SPATA6: variants seen among roughly 807,000 people sequenced by gnomAD.
SPATA6 encodes spermatogenesis-associated protein 6.
A neutral mutation model predicts 65.3 loss-of-function variants in SPATA6; 56 were observed. The observed-to-expected ratio is 0.86, with a 90% CI of 0.69 to 1.07. The LOEUF (loss-of-function observed/expected upper bound fraction) is 1.07. Among genes scored for constraint, SPATA6 ranks in the 50% least tolerant of loss-of-function variants. The probability of loss-of-function intolerance (pLI) is 0.00; values close to 1 mark genes in which losing one functional copy is unlikely to be tolerated. For synonymous variants in SPATA6, 199 were observed against 213.2 expected (o/e 0.93, Z 0.58); for missense variants, 590 against 594.8 (o/e 0.99, Z 0.08).
chr1:48,452,307 T>C (rs1000955044), intron 2 of SPATA6, among the ~76,000 whole-genome samples: 1 of 151,756 alleles, frequency 6.6e-6, no homozygotes, highest in Non-Finnish European at 1.5e-5. Context: ...AGAAACACAA[T>C]TGGTCATAAT....
the SPATA6 span, among the ~76,000 whole-genome samples, chr1:48,287,952 C>G: frequency 2.0e-5 from 3 of 152,106 alleles, no homozygotes; most frequent in Non-Finnish European, 4.4e-5. Flanking sequence ...TCATATATGG[C>G]TTTTATTGTG....
chr1:48,459,639 A>G (rs184677712), intron 1 of SPATA6, among the ~76,000 whole-genome samples: 1 of 152,298 alleles, frequency 6.6e-6, no homozygotes, highest in Admixed American at 6.5e-5. Context: ...TCATCCAACA[A>G]CAGAAGGATA....
intron 9 of SPATA6, among the ~76,000 whole-genome samples, chr1:48,362,258 AAAAAGAAAAAAAAG>A (rs1385177210): frequency 6.6e-6 from 1 of 152,158 alleles, no homozygotes; most frequent in Non-Finnish European, 1.5e-5. Flanking sequence ...TGTCTCAAAG[AAAAAGAAAAAAAAG>A]AAAAGAAAGA....
At chr1:48,462,205 G>A (rs888666769) in intron 1 of SPATA6, among the ~76,000 whole-genome samples, 5 of 151,466 alleles carry the variant, frequency 3.3e-5, no homozygotes, top group South Asian at 2.1e-4. Context: ...GGGGTGGGGG[G>A]AGCGGGGAGG....
At chr1:48,277,725 C>T in the SPATA6 span, among the ~76,000 whole-genome samples, 3 of 152,220 alleles carry the variant, frequency 2.0e-5, no homozygotes, top group African/African-American at 7.2e-5. Context: ...GCCTGCCTGC[C>T]TCTGTAGGCT....
rs148408952 is a variant in SPATA6 at position 48,405,040 on chromosome 1, C to A, written c.406-1158G>T. Among the ~76,000 whole-genome samples, 137 of 152,302 alleles carry A rather than the reference C, an allele frequency of 9.0e-4. 3 individuals are homozygous for A. In the East Asian group the frequency reaches 0.023, roughly 25 times the overall value. On this transcript the variant is annotated intron_variant, in intron 5 of 12. Transcript: ENST00000371847. ...TTGTGATTCAATACCTACATTTGGCCTCAACAAATCAAGTCTGTGACCAGC... is the reference window on the plus strand; with the variant it reads ...TTGTGATTCAATACCTACATTTGGCATCAACAAATCAAGTCTGTGACCAGC...
chr1:48,309,041 A>G (rs1479144606), intron 11 of SPATA6, among the ~76,000 whole-genome samples: 1 of 152,094 alleles, frequency 6.6e-6, no homozygotes, highest in Non-Finnish European at 1.5e-5. Context: ...ACTTGCCACA[A>G]TGCCAGGCTT....
rs372433071 is a variant in SPATA6 at position 48,423,273 on chromosome 1, A to G, written c.239-10122T>C. ...GGAGTTCAAGACCAGCCTGACCAAC[A>G]TGGAGAAACCCCACCTCTACTAAAA... On this transcript the variant is annotated intron_variant, in intron 3 of 12. Transcript: ENST00000371847. 1.0e-3 allele frequency among the ~76,000 whole-genome samples: 152 copies of G among 152,026 alleles called. 1 individual carries two copies. The highest frequency in any genetic ancestry group is 3.6e-3 in the African/African-American group (148 of 41,508).
At chr1:48,446,579 G>GA (rs1414763260) in intron 3 of SPATA6, among the ~76,000 whole-genome samples, 1 of 151,718 alleles carries the variant, frequency 6.6e-6, no homozygotes, top group Non-Finnish European at 1.5e-5. Context: ...GCCAGGTAGA[G>GA]AAAAAAAATT....
rs545597836 is a variant in SPATA6, at chr1:48,459,780, A to G, written c.52-6649T>C. ...AAAATCATGCAGAGTATATTCTCTA[A>G]CCAGAATGAAATTAAACTAGAAATC... On this transcript the variant is annotated intron_variant, in intron 1 of 12. Transcript: ENST00000371847. 1.8e-4 allele frequency among the ~76,000 whole-genome samples: 28 copies of G among 152,342 alleles called. No individual in the cohort carries two copies. The South Asian group carries it at 5.8e-3, about 32-fold the overall frequency.
At chr1:48,310,953 T>A (rs1385763004) in intron 11 of SPATA6, among the ~76,000 whole-genome samples, 1 of 151,714 alleles carries the variant, frequency 6.6e-6, no homozygotes, top group Non-Finnish European at 1.5e-5. Flanking sequence ...TATGTAGAAA[T>A]CAAACAATAT....
chr1:48,428,177 G>A (rs4489605), intron 3 of SPATA6, among the ~76,000 whole-genome samples: 47,207 of 152,046 alleles, frequency 0.31, 8,985 homozygotes, highest in Middle Eastern at 0.44. Flanking sequence ...AAAACAGGCC[G>A]GGCACAGTGG....
intron 11 of SPATA6, among the ~76,000 whole-genome samples, chr1:48,321,515 G>T (rs1218661619): frequency 1.3e-5 from 2 of 152,078 alleles, no homozygotes; most frequent in African/African-American, 4.8e-5. Context: ...GGAGCAACCA[G>T]ATATATAAAG....
intron 11 of SPATA6, among the ~76,000 whole-genome samples, chr1:48,312,448 G>C (rs916537443): frequency 6.6e-6 from 1 of 152,104 alleles, no homozygotes; most frequent in Non-Finnish European, 1.5e-5. Flanking sequence ...GTCTGGAATG[G>C]ACCTCCAGCA....
chr1:48,311,020 T>A (rs565210323), intron 11 of SPATA6, among the ~76,000 whole-genome samples: 1 of 152,162 alleles, frequency 6.6e-6, no homozygotes, highest in South Asian at 2.1e-4. Context: ...AGAAAATGCT[T>A]CAAGAGAAAT....
chr1:48,348,757 T>C (rs1316315559), intron 11 of SPATA6, among the ~76,000 whole-genome samples: 1 of 152,050 alleles, frequency 6.6e-6, no homozygotes, highest in Non-Finnish European at 1.5e-5. Context: ...TATCTATTTT[T>C]TTATTTCTGA....
intron 9 of SPATA6, among the ~76,000 whole-genome samples, chr1:48,363,044 C>T (rs1385028818): frequency 6.6e-6 from 1 of 151,894 alleles, no homozygotes; most frequent in Non-Finnish European, 1.5e-5. Flanking sequence ...ACGTCAAATA[C>T]AAGTAATGAG....
chr1:48,444,434 T>A (rs1655817804), intron 3 of SPATA6, among the ~76,000 whole-genome samples: 1 of 151,956 alleles, frequency 6.6e-6, no homozygotes, highest in African/African-American at 2.4e-5. Flanking sequence ...CAATCAGCAC[T>A]GAGTCTAGCT....
rs535193388 is a variant in SPATA6, at chr1:48,323,432, G to A, written c.1195-17554C>T. Among the ~76,000 whole-genome samples the A allele has an allele frequency of 9.9e-5, 15 of 151,576 alleles. No homozygotes were observed. The South Asian group carries it at 2.7e-3, about 27-fold the overall frequency. On this transcript the variant is annotated intron_variant, in intron 11 of 12. Coordinates refer to ENST00000371847, the MANE Select transcript of SPATA6 (RefSeq NM_019073.4). The stretch of plus-strand genomic sequence containing the variant: ...AGGACCTGTCGAGGGGTGGGGGGCT[G>A]GGGGAGGGATAGCATTAGGAGAAAT...
Sources: gnomAD v4.1 joint callset for allele counts (sites outside exome capture counted in the v4.1 genomes callset) on GRCh38, gnomAD v4.1.1 for gene constraint, MANE v1.5 for transcripts, NCBI Gene and HGNC (gene_info 2026-07-23, HGNC 2026-07-21) for gene names.